RAB38: variants seen among roughly 807,000 people sequenced by gnomAD.
The protein encoded by RAB38 is ras-related protein Rab-38.
In RAB38, 15 loss-of-function variants were observed where a neutral mutation model predicts 18.4. The ratio of observed to expected loss-of-function variants is 0.82; its 90% confidence interval spans 0.55 to 1.26. RAB38 has a LOEUF of 1.26. RAB38 is among the 50% of genes most tolerant of loss of function. The pLI, the probability that RAB38 is intolerant of heterozygous loss-of-function variation, is 0.00. For missense variants in RAB38, 294 were observed against 267.4 expected (o/e 1.10, Z -0.69); for synonymous variants, 101 against 104.4 (o/e 0.97, Z 0.20).
chr11:87,871,438 G>A, the RAB38 span, among the ~76,000 whole-genome samples: 1 of 151,450 alleles, frequency 6.6e-6, no homozygotes, highest in East Asian at 2.0e-4. Flanking sequence ...AGAAGTTTGT[G>A]GTGTACACAC....
chr11:87,922,197 A>T, the RAB38 span, among the ~76,000 whole-genome samples: 1 of 151,990 alleles, frequency 6.6e-6, no homozygotes, highest in Admixed American at 6.6e-5. Context: ...GATGGTAATT[A>T]TATTGCATTA....
chr11:87,948,799 T>G, the RAB38 span, among the ~76,000 whole-genome samples: 372 of 151,610 alleles, frequency 2.5e-3, 3 homozygotes, highest in Non-Finnish European at 4.0e-3. Context: ...TTGCCAGTAT[T>G]TTATTGAGGA....
chr11:88,080,711 C>T, the RAB38 span, among the ~76,000 whole-genome samples: 3 of 151,694 alleles, frequency 2.0e-5, no homozygotes, highest in South Asian at 2.1e-4. Context: ...GAACACAAGA[C>T]GAAGTCCAAA....
intron 2 of RAB38, among the ~76,000 whole-genome samples, chr11:88,123,440 A>G (rs1942654503): frequency 6.6e-6 from 1 of 152,242 alleles, no homozygotes; most frequent in African/African-American, 2.4e-5. Context: ...CAGAAAGTAA[A>G]AAAGAAAACA....
chr11:87,892,042 T>C, the RAB38 span, among the ~76,000 whole-genome samples: 1 of 151,916 alleles, frequency 6.6e-6, no homozygotes, highest in South Asian at 2.1e-4. Flanking sequence ...CCTAGCACAA[T>C]ACCTGTTCAA....
the RAB38 span, among the ~76,000 whole-genome samples, chr11:87,947,588 G>A: frequency 6.6e-6 from 1 of 152,020 alleles, no homozygotes; most frequent in South Asian, 2.1e-4. Context: ...AAGGCATCCA[G>A]TTTCAGCTTT....
the RAB38 span, among the ~76,000 whole-genome samples, chr11:87,899,592 G>A: frequency 6.6e-6 from 1 of 151,508 alleles, no homozygotes; most frequent in Admixed American, 6.6e-5. Context: ...TAGACAAAAA[G>A]AATCAGGGAA....
chr11:87,946,369 G>A, the RAB38 span, among the ~76,000 whole-genome samples: 5 of 151,942 alleles, frequency 3.3e-5, no homozygotes, highest in Non-Finnish European at 7.4e-5. Flanking sequence ...ACCATTAGAG[G>A]CTCTATGAGA....
At chr11:87,928,178 C>T in the RAB38 span, among the ~76,000 whole-genome samples, 1 of 152,020 alleles carries the variant, frequency 6.6e-6, no homozygotes, top group East Asian at 1.9e-4. Context: ...AGTACATGTA[C>T]TTATCAAATG....
the RAB38 span, among the ~76,000 whole-genome samples, chr11:87,935,056 C>T: frequency 6.6e-6 from 1 of 152,096 alleles, no homozygotes; most frequent in African/African-American, 2.4e-5. Flanking sequence ...AAGGGCGGGT[C>T]TCTCCTCCCT....
chr11:88,031,098 C>T, the RAB38 span, among the ~76,000 whole-genome samples: 8 of 151,260 alleles, frequency 5.3e-5, no homozygotes, highest in African/African-American at 1.5e-4. Flanking sequence ...AAATGTAATC[C>T]AGCATATAAA....
the RAB38 span, among the ~76,000 whole-genome samples, chr11:88,090,185 T>C: frequency 6.6e-6 from 1 of 152,020 alleles, no homozygotes; most frequent in Non-Finnish European, 1.5e-5. Context: ...AATAGCGTTA[T>C]AATTAATAGA....
Position 88,175,433 on chromosome 11 carries a change from G to A in RAB38, c.-49C>T. The A allele has an allele frequency of 1.9e-6, 3 of 1,599,460 alleles. No individual in the cohort carries two copies. The highest frequency in any genetic ancestry group is 1.7e-5 in the Admixed American group (1 of 59,928). ...GTGCCTGACCAGGGAAGCGCAGCCT[G>A]GGCTCTGCGCACGAGAGAGACTTGG... On this transcript the variant is annotated 5_prime_UTR_variant, in exon 1 of 3. Coordinates refer to ENST00000243662, the MANE Select transcript of RAB38 (RefSeq NM_022337.3).
At chr11:88,027,658 C>T in the RAB38 span, among the ~76,000 whole-genome samples, 1 of 131,492 alleles carries the variant, frequency 7.6e-6, no homozygotes, top group Non-Finnish European at 1.6e-5. Context: ...AAGGCGGCAG[C>T]GAGGCTGGGG....
chr11:87,896,693 T>G, the RAB38 span, among the ~76,000 whole-genome samples: 7 of 151,654 alleles, frequency 4.6e-5, no homozygotes, highest in African/African-American at 1.7e-4. Flanking sequence ...GAGTCAGACA[T>G]GGGTTCAGGT....
At chr11:88,053,203 AAT>A in the RAB38 span, among the ~76,000 whole-genome samples, 2 of 116,660 alleles carry the variant, frequency 1.7e-5, no homozygotes, top group East Asian at 4.3e-4. Context: ...ATATATATGG[AAT>A]ATATATATAC....
At chr11:88,009,646 T>C in the RAB38 span, among the ~76,000 whole-genome samples, 1 of 152,176 alleles carries the variant, frequency 6.6e-6, no homozygotes, top group East Asian at 1.9e-4. Flanking sequence ...TGGGAAAAAT[T>C]AATAAAGGAG....
the RAB38 span, among the ~76,000 whole-genome samples, chr11:87,839,600 A>G: frequency 6.6e-6 from 1 of 152,222 alleles, no homozygotes; most frequent in African/African-American, 2.4e-5. Context: ...TTTGTAACAC[A>G]TCAAAGAAAA....
At chr11:87,923,035 A>G in the RAB38 span, among the ~76,000 whole-genome samples, 2 of 151,942 alleles carry the variant, frequency 1.3e-5, no homozygotes, top group East Asian at 3.9e-4. Context: ...CTGTTATGTA[A>G]TTAGTTGATT....
Sources: gnomAD v4.1 joint callset for allele counts (sites outside exome capture counted in the v4.1 genomes callset) on GRCh38, gnomAD v4.1.1 for gene constraint, MANE v1.5 for transcripts, NCBI Gene and HGNC (gene_info 2026-07-23, HGNC 2026-07-21) for gene names.